HMGCLL1: variants seen among roughly 807,000 people sequenced by gnomAD.
HMGCLL1 encodes the protein 3-hydroxymethyl-3-methylglutaryl-CoA lyase, cytoplasmic.
Under a neutral mutation model 39.1 loss-of-function variants are expected in HMGCLL1, and 36 were observed. That is an observed-to-expected ratio of 0.92 (90% CI 0.71 to 1.22). The LOEUF is 1.22. Among genes scored for constraint, HMGCLL1 ranks in the 50% most tolerant of loss-of-function variants. The pLI is 0.00. For synonymous variants in HMGCLL1, 149 were observed against 144.0 expected, an observed-to-expected ratio of 1.03 and a Z score of -0.25; for missense variants, 451 against 416.5, an observed-to-expected ratio of 1.08 and a Z score of -0.72.
At chr6:55,480,680 C>T (rs1216916494) in intron 7 of HMGCLL1, among the ~76,000 whole-genome samples, 2 of 151,716 alleles carry the variant, frequency 1.3e-5, no homozygotes, top group African/African-American at 2.4e-5. Flanking sequence ...GATATCTGTA[C>T]TTACATGTTT....
rs182143403 is a variant in HMGCLL1 at position 55,559,405 on chromosome 6, C to T, written c.109-17265G>A. On this transcript the variant is annotated intron_variant, in intron 1 of 8. Transcript: ENST00000274901. ...ATGAACATAAATAGGTAAAACTCTG[C>T]TGCCATCCCCACATCTGAGTGTGAC... Among the ~76,000 whole-genome samples the T allele has an allele frequency of 1.4e-4, 21 of 152,302 alleles. No individual in the cohort carries two copies. The East Asian group carries it at 4.0e-3, about 29-fold the overall frequency.
intron 5 of HMGCLL1, among the ~76,000 whole-genome samples, chr6:55,508,355 T>G (rs1370312668): frequency 6.6e-6 from 1 of 151,882 alleles, no homozygotes; most frequent in Non-Finnish European, 1.5e-5. Flanking sequence ...AATAAATTTT[T>G]GATTCAATTT....
At chr6:55,438,850 T>TTAA (rs1386396371) in intron 8 of HMGCLL1, among the ~76,000 whole-genome samples, 2 of 152,074 alleles carry the variant, frequency 1.3e-5, no homozygotes, top group Non-Finnish European at 1.5e-5. Flanking sequence ...ACAGGTTGTG[T>TTAA]TAACAATCAT....
At chr6:55,556,022 G>A (rs899964696) in intron 1 of HMGCLL1, among the ~76,000 whole-genome samples, 9 of 152,110 alleles carry the variant, frequency 5.9e-5, no homozygotes, top group African/African-American at 2.2e-4. Context: ...TCTTTGCGGG[G>A]GTTCCCTAAA....
At chr6:55,552,754 C>T (rs544302630) in intron 1 of HMGCLL1, among the ~76,000 whole-genome samples, 2 of 151,822 alleles carry the variant, frequency 1.3e-5, no homozygotes, top group Admixed American at 1.3e-4. Flanking sequence ...GAAGGAGATA[C>T]CCTAGTTAAA....
chr6:55,651,899 G>A, the HMGCLL1 span, among the ~76,000 whole-genome samples: 1 of 152,038 alleles, frequency 6.6e-6, no homozygotes, highest in Non-Finnish European at 1.5e-5. Flanking sequence ...TAAAGTCTCT[G>A]AGTCACTCCA....
intron 3 of HMGCLL1, among the ~76,000 whole-genome samples, chr6:55,536,895 A>G (rs903143750): frequency 6.6e-6 from 1 of 152,210 alleles, no homozygotes; most frequent in Non-Finnish European, 1.5e-5. Context: ...GCAGCAATCT[A>G]AACATCAACT....
chr6:55,630,834 C>T, the HMGCLL1 span, among the ~76,000 whole-genome samples: 5 of 152,156 alleles, frequency 3.3e-5, no homozygotes, highest in Admixed American at 2.6e-4. Context: ...GTGAGGCCTC[C>T]CCAGCCATGT....
chr6:55,593,619 A>T, the HMGCLL1 span, among the ~76,000 whole-genome samples: 1,547 of 152,280 alleles, frequency 0.01, 27 homozygotes, highest in African/African-American at 0.035. Context: ...TTAAAGGAAT[A>T]TAGTGTAATA....
the HMGCLL1 span, among the ~76,000 whole-genome samples, chr6:55,634,086 T>A: frequency 1.3e-5 from 2 of 152,034 alleles, no homozygotes; most frequent in African/African-American, 4.8e-5. Flanking sequence ...CTTTTTTTTT[T>A]AATAATGCAA....
the HMGCLL1 span, among the ~76,000 whole-genome samples, chr6:55,664,305 G>C: frequency 6.6e-6 from 1 of 151,774 alleles, no homozygotes; most frequent in African/African-American, 2.4e-5. Flanking sequence ...GTATTGGCTG[G>C]TAATGGTCTT....
rs1282040940 is a variant in HMGCLL1 at position 55,565,036 on chromosome 6, A to T, written c.108+13912T>A. On this transcript the variant is annotated intron_variant, in intron 1 of 8. Transcript: ENST00000274901. ...ATTTGTTTCCTTAAAGTGATAGCTTAATCTAGAACTTAATTAATATATTAA... is the reference window on the plus strand; with the variant it reads ...ATTTGTTTCCTTAAAGTGATAGCTTTATCTAGAACTTAATTAATATATTAA... 2.0e-5 allele frequency among the ~76,000 whole-genome samples: 3 copies of T among 152,088 alleles called. No homozygotes were observed. In the East Asian group the frequency reaches 5.8e-4, roughly 29 times the overall value.
chr6:55,579,083 G>C lies in HMGCLL1; in HGVS notation c.-28C>G. On this transcript the variant is annotated 5_prime_UTR_variant, in exon 1 of 9. Transcript: ENST00000274901. The stretch of plus-strand genomic sequence containing the variant: ...CGGAGCCTGGGGCGGCAGTCGGCGA[G>C]GGGAGGGAGACTGGAGGAGGATGAG... 6.5e-7 allele frequency: 1 copy of C among 1,544,484 alleles called. No individual in the cohort carries two copies. The highest frequency in any genetic ancestry group is 1.1e-5 in the South Asian group (1 of 87,304).
chr6:55,552,462 A>G (rs1320576998), intron 1 of HMGCLL1, among the ~76,000 whole-genome samples: 1 of 151,964 alleles, frequency 6.6e-6, no homozygotes, highest in Non-Finnish European at 1.5e-5. Context: ...AATAAAAAAT[A>G]TATTTTCCAT....
At chr6:55,630,573 T>C in the HMGCLL1 span, among the ~76,000 whole-genome samples, 1 of 151,850 alleles carries the variant, frequency 6.6e-6, no homozygotes, top group Non-Finnish European at 1.5e-5. Context: ...AGGGGTGAAA[T>C]GATATAATTT....
chr6:55,643,362 G>A, the HMGCLL1 span, among the ~76,000 whole-genome samples: 3 of 151,862 alleles, frequency 2.0e-5, no homozygotes, highest in Non-Finnish European at 4.4e-5. Flanking sequence ...CTCATTGGGG[G>A]TTTGATTTGC....
intron 7 of HMGCLL1, among the ~76,000 whole-genome samples, chr6:55,451,137 A>G (rs189188832): frequency 2.0e-4 from 31 of 152,290 alleles, no homozygotes; most frequent in African/African-American, 7.2e-4. Flanking sequence ...AGAATGAGAG[A>G]GACCACAAAC....
intron 1 of HMGCLL1, among the ~76,000 whole-genome samples, chr6:55,559,670 T>C (rs182932183): frequency 7.6e-4 from 115 of 152,302 alleles, no homozygotes; most frequent in African/African-American, 2.6e-3. Context: ...GGTTGTGTGT[T>C]ACAGAGTTTA....
intron 3 of HMGCLL1, among the ~76,000 whole-genome samples, chr6:55,539,941 GAA>G (rs1769275137): frequency 3.7e-5 from 1 of 27,276 alleles, no homozygotes; most frequent in Non-Finnish European, 6.9e-5. Context: ...AGGAGGAGGA[GAA>G]GGAAGGAAGG....
Sources: gnomAD v4.1 joint callset for allele counts (sites outside exome capture counted in the v4.1 genomes callset) on GRCh38, gnomAD v4.1.1 for gene constraint, MANE v1.5 for transcripts, NCBI Gene and HGNC (gene_info 2026-07-23, HGNC 2026-07-21) for gene names.